Variants in DDR2 observed in about 807,000 individuals in gnomAD.
DDR2 encodes discoidin domain-containing receptor 2.
A neutral mutation model predicts 94.9 loss-of-function variants in DDR2; 27 were observed. The observed-to-expected ratio is 0.28, with a 90% CI of 0.21 to 0.39. DDR2 has a LOEUF of 0.39. Ranked by LOEUF, DDR2 falls within the 10% of genes least tolerant of loss-of-function variation. DDR2 has a pLI of 1.00. For synonymous variants in DDR2, 382 were observed against 377.2 expected (o/e 1.01, Z -0.15); for missense variants, 783 against 1,076.0 (o/e 0.73, Z 3.81).
At chr1:162,765,694 G>T (rs564505064) in intron 9 of DDR2, among the ~76,000 whole-genome samples, 3 of 150,226 alleles carry the variant, frequency 2.0e-5, no homozygotes, top group South Asian at 2.1e-4. Context: ...CTGAATTTGG[G>T]TCCTGCTTCT....
At chr1:162,698,590 A>G (rs1377861586) in intron 2 of DDR2, among the ~76,000 whole-genome samples, 1 of 152,054 alleles carries the variant, frequency 6.6e-6, no homozygotes, top group Admixed American at 6.6e-5. Context: ...ATCTAGCACT[A>G]TGATTAGGGT....
At chr1:162,741,088 C>T (rs1662563168) in intron 3 of DDR2, among the ~76,000 whole-genome samples, 1 of 151,648 alleles carries the variant, frequency 6.6e-6, no homozygotes. Context: ...TTTCCTCATA[C>T]AGGATGAGTA....
At chr1:162,727,596 C>T (rs1411227638) in intron 3 of DDR2, among the ~76,000 whole-genome samples, 1 of 148,752 alleles carries the variant, frequency 6.7e-6, no homozygotes, top group African/African-American at 2.4e-5. Flanking sequence ...CCTTGACTTC[C>T]TTTTTCCCCC....
In DDR2 at chr1:162,776,225, C is replaced by A. The variant is rs121964865; in HGVS notation, c.2138C>A (p.Thr713Lys). ...SLNFVHRDLA[T>K]RNCLVGKNYT... is the part of the protein sequence containing the mutation. ...AATTTTGTTCACCGAGATCTGGCCACACGAAACTGTTTAGTGGGTAAGAAC... is the reference window on the plus strand; with the variant it reads ...AATTTTGTTCACCGAGATCTGGCCAAACGAAACTGTTTAGTGGGTAAGAAC... The change falls in exon 16 of 18, where the codon ACA becomes AAA. Residue 713 changes from threonine (T) to lysine (K), a missense_variant. Physicochemically the swap from Thr to Lys is moderately conservative, Grantham distance 78. This residue lies in a region of DDR2 where 264 missense variants were observed against 428.2 expected (regional missense o/e 0.62). Transcript: ENST00000367921. The A allele has an allele frequency of 6.2e-7, 1 of 1,613,962 alleles. No homozygotes were observed. Among genetic ancestry groups the A allele is most frequent in the East Asian group, 2.2e-5 (1 of 44,876 alleles).
At chr1:162,753,031 AG>A in intron 3 of DDR2, 63 bp from the exon 4 acceptor site, 3 of 1,381,650 alleles carry the variant, frequency 2.2e-6, no homozygotes, top group Non-Finnish European at 3.1e-6. Context: ...TATTCTTCCT[AG>A]GGGGCTTGGA....
rs1663968031 is a variant in DDR2, at chr1:162,765,937, C to T, written c.1100-64C>T. The T allele has an allele frequency of 2.0e-6, 3 of 1,516,274 alleles. No individual in the cohort carries two copies. The Admixed American group carries it at 5.0e-5, about 25-fold the overall frequency. 93.9% of individuals were successfully genotyped at this position (1,516,274 alleles called of 1,614,324 possible). A position where few individuals can be genotyped will look rare whatever the true frequency, so the allele number is the denominator to read the frequency against. On this transcript the variant is annotated intron_variant, in intron 9 of 17. Coordinates refer to ENST00000367921, the MANE Select transcript of DDR2 (RefSeq NM_006182.4). Reference sequence around the variant, plus strand: ...TGTAATGTGCTAGGTCACAATATGCCTTCAGAGAAAACACTAGCTGTCTGT... The same window carrying T: ...TGTAATGTGCTAGGTCACAATATGCTTTCAGAGAAAACACTAGCTGTCTGT...
Position 162,759,832 on chromosome 1 carries a change from G to A in DDR2, c.708G>A (p.Val236=), listed in dbSNP as rs945579214. 2 of 1,614,162 alleles carry A rather than the reference G, an allele frequency of 1.2e-6. No homozygotes were observed. The highest frequency in any genetic ancestry group is 1.7e-6 in the Non-Finnish European group (2 of 1,180,018). ...TEGLGQLTDG[V]SGLDDFTQTH... ...GGCTAGGCCAATTGACCGATGGTGT[G>A]TCTGGCCTGGACGATTTCACCCAGA... The change falls in exon 8 of 18, where the codon GTG becomes GTA. Residue 236 remains valine (V), a synonymous_variant. Transcript: ENST00000367921.
chr1:162,634,120 G>T (rs1656695605), intron 1 of DDR2, among the ~76,000 whole-genome samples: 1 of 152,166 alleles, frequency 6.6e-6, no homozygotes. Context: ...GGAGGTGAAG[G>T]TGTCAGGCTA....
chr1:162,750,699 G>C (rs1482201365), intron 3 of DDR2, among the ~76,000 whole-genome samples: 1 of 152,160 alleles, frequency 6.6e-6, no homozygotes, highest in Non-Finnish European at 1.5e-5. Flanking sequence ...ACAATCCTAA[G>C]CCAAAAGAAC....
chr1:162,753,010 A>G (rs1367334611), intron 3 of DDR2, 85 bp from the exon 4 acceptor site: 6 of 1,161,694 alleles, frequency 5.2e-6, no homozygotes, highest in Admixed American at 1.8e-5. Context: ...TCCTTGTTCA[A>G]TATTCAGTGA....
chr1:162,735,899 C>T (rs1386814210), intron 3 of DDR2, among the ~76,000 whole-genome samples: 1 of 152,212 alleles, frequency 6.6e-6, no homozygotes, highest in Non-Finnish European at 1.5e-5. Context: ...TCATGTGACC[C>T]ACATTCCCTA....
At chr1:162,740,959 C>T (rs1030596734) in intron 3 of DDR2, among the ~76,000 whole-genome samples, 1 of 151,834 alleles carries the variant, frequency 6.6e-6, no homozygotes, top group Non-Finnish European at 1.5e-5. Flanking sequence ...TTGCACCAGG[C>T]CACTCTTTTG....
At chr1:162,704,654 A>T (rs1158623903) in intron 2 of DDR2, among the ~76,000 whole-genome samples, 1 of 152,170 alleles carries the variant, frequency 6.6e-6, no homozygotes, top group Non-Finnish European at 1.5e-5. Flanking sequence ...GCAGTGAGGC[A>T]TCTCTGCGGG....
intron 2 of DDR2, among the ~76,000 whole-genome samples, chr1:162,709,793 G>C (rs1360252722): frequency 6.6e-6 from 1 of 152,232 alleles, no homozygotes; most frequent in African/African-American, 2.4e-5. Context: ...GAGAGTAAAA[G>C]ATCCAAATGA....
chr1:162,674,870 T>C (rs1178790577), intron 2 of DDR2, among the ~76,000 whole-genome samples: 9 of 152,092 alleles, frequency 5.9e-5, no homozygotes, highest in African/African-American at 1.4e-4. Flanking sequence ...AAGAGAAACA[T>C]TGGGTGGGCA....
chr1:162,769,086 T>C (rs2102177705), intron 11 of DDR2, among the ~76,000 whole-genome samples: 1 of 152,356 alleles, frequency 6.6e-6, no homozygotes, highest in Non-Finnish European at 1.5e-5. Context: ...TTTTTCTCTT[T>C]ATTTGAGCCA....
At chr1:162,754,898 A>G in intron 5 of DDR2, 43 bp downstream of exon 5, 4 of 1,609,142 alleles carry the variant, frequency 2.5e-6, no homozygotes, top group Non-Finnish European at 2.6e-6. Flanking sequence ...CCAAGACCAT[A>G]TTTTGACTTA....
At chr1:162,769,047 A>G (rs548345312) in intron 11 of DDR2, among the ~76,000 whole-genome samples, 2 of 152,276 alleles carry the variant, frequency 1.3e-5, no homozygotes, top group African/African-American at 4.8e-5. Flanking sequence ...GCCAAGGGGG[A>G]AAGTCTGTGT....
chr1:162,654,639 T>G (rs766447018), intron 1 of DDR2, among the ~76,000 whole-genome samples: 6 of 152,204 alleles, frequency 3.9e-5, no homozygotes, highest in Admixed American at 6.5e-5. Flanking sequence ...ATTCCCAGTG[T>G]GTTCTGGGAT....
Sources: allele counts gnomAD v4.1 joint callset (sites outside exome capture counted in the v4.1 genomes callset), GRCh38; gene constraint gnomAD v4.1.1; regional missense constraint gnomAD v4.1.1; transcripts MANE v1.5; gene names NCBI Gene and HGNC (gene_info 2026-07-23, HGNC 2026-07-21).